OR51B5: variants seen among roughly 807,000 people sequenced by gnomAD.
OR51B5 encodes olfactory receptor family 51 subfamily B member 5, also known as olfactory receptor 51B5.
For synonymous variants in OR51B5, 186 were observed against 144.8 expected (o/e 1.28, Z -2.04); for missense variants, 456 against 374.6 (o/e 1.22, Z -1.79).
chr11:5,379,421 G>A lies in OR51B5; in HGVS notation n.85-32511C>T, dbSNP rs188667946. 2.6e-3 allele frequency among the ~76,000 whole-genome samples: 399 copies of A among 150,764 alleles called. 1 individual carries two copies. Among genetic ancestry groups the A allele is most frequent in the Non-Finnish European group, 4.0e-3 (271 of 67,708 alleles). ...CACATGTATACATATGTAACTAACC[G>A]GCACATTATGCACATGTACCCTAAA... On this transcript the variant is annotated intron_variant and non_coding_transcript_variant, in intron 1 of 4. Coordinates refer to the OR51B5 transcript ENST00000415970.
At chr11:5,477,537 G>A (rs1377870736) in intron 1 of OR51B5, among the ~76,000 whole-genome samples, 4 of 152,186 alleles carry the variant, frequency 2.6e-5, no homozygotes, top group Non-Finnish European at 5.9e-5. Flanking sequence ...AACAGCTCCG[G>A]TCTACAGCTC....
chr11:5,477,446 A>T (rs144183245), intron 1 of OR51B5, among the ~76,000 whole-genome samples: 1 of 152,240 alleles, frequency 6.6e-6, no homozygotes, highest in African/African-American at 2.4e-5. Context: ...CATTCATCTC[A>T]AAATCTATCC....
intron 1 of OR51B5, among the ~76,000 whole-genome samples, chr11:5,487,487 C>T (rs778996975): frequency 2.1e-4 from 32 of 152,090 alleles, no homozygotes; most frequent in Non-Finnish European, 4.3e-4. Flanking sequence ...CATTCATTGC[C>T]CTTTCTAAAT....
intron 1 of OR51B5, among the ~76,000 whole-genome samples, chr11:5,353,992 G>A (rs1849145232): frequency 7.9e-6 from 1 of 126,106 alleles, no homozygotes; most frequent in South Asian, 2.6e-4. Flanking sequence ...TTTCTCTTTT[G>A]TAGCTTCTTG....
exon 1 of OR51B5, chr11:5,342,889 G>A: frequency 6.2e-7 from 1 of 1,613,616 alleles, no homozygotes; most frequent in Non-Finnish European, 8.5e-7. Flanking sequence ...AGGAGATGAA[G>A]ATAATCAGAT....
At chr11:5,379,939 G>A (rs1314713235) in intron 1 of OR51B5, among the ~76,000 whole-genome samples, 6 of 151,528 alleles carry the variant, frequency 4.0e-5, no homozygotes, top group Non-Finnish European at 5.9e-5. Context: ...AGATGCAACC[G>A]CCCGATCTTG....
At chr11:5,505,242 G>C (rs535643618) in intron 1 of OR51B5, 1 of 1,124,738 alleles carries the variant, frequency 8.9e-7, no homozygotes, top group African/African-American at 1.6e-5. Flanking sequence ...CAGTAACATT[G>C]CTATTAGGTT....
At chr11:5,454,999 C>T (rs1564819050) in intron 1 of OR51B5, 1 of 152,482 alleles carries the variant, frequency 6.6e-6, no homozygotes, top group Admixed American at 6.5e-5. Context: ...CCACCACTGT[C>T]ATTCTCAAAC....
At chr11:5,408,024 T>G (rs1271060593) in intron 1 of OR51B5, among the ~76,000 whole-genome samples, 1 of 152,152 alleles carries the variant, frequency 6.6e-6, no homozygotes. Flanking sequence ...CCCAAAAACA[T>G]ATTTTCACAG....
At chr11:5,502,185 C>T (rs1488973882) in intron 1 of OR51B5, among the ~76,000 whole-genome samples, 2 of 151,592 alleles carry the variant, frequency 1.3e-5, no homozygotes, top group Admixed American at 6.6e-5. Flanking sequence ...TCTGCTTCTC[C>T]GCTTGTCACT....
intron 1 of OR51B5, among the ~76,000 whole-genome samples, chr11:5,451,684 A>G (rs1050882750): frequency 6.6e-6 from 1 of 152,130 alleles, no homozygotes; most frequent in Non-Finnish European, 1.5e-5. Flanking sequence ...GATACCTCAT[A>G]TGTTCCTGGG....
upstream of OR51B5, chr11:5,347,040 C>T (rs1225637662): frequency 1.3e-5 from 2 of 152,174 alleles, no homozygotes; most frequent in Non-Finnish European, 2.9e-5. Context: ...GGAGCTGGAA[C>T]ACTTAATTAG....
chr11:5,420,581 G>A (rs947995479), intron 1 of OR51B5, among the ~76,000 whole-genome samples: 4 of 151,750 alleles, frequency 2.6e-5, no homozygotes, highest in African/African-American at 4.8e-5. Context: ...TTTTGCTACA[G>A]AGAAAATTTC....
chr11:5,385,816 G>A (rs1849683243), intron 1 of OR51B5, among the ~76,000 whole-genome samples: 1 of 148,426 alleles, frequency 6.7e-6, no homozygotes. Context: ...AATCTATAAA[G>A]TATATAAAGA....
intron 1 of OR51B5, chr11:5,422,027 A>G: frequency 1.7e-6 from 1 of 577,430 alleles, no homozygotes; most frequent in East Asian, 2.9e-5. Context: ...GAATTGGGCT[A>G]AGGAAAGGAT....
chr11:5,347,959 T>C (rs1380166479), upstream of OR51B5, among the ~76,000 whole-genome samples: 2 of 152,000 alleles, frequency 1.3e-5, no homozygotes, highest in Non-Finnish European at 2.9e-5. Flanking sequence ...TACATGACTA[T>C]GGAACTGAAG....
chr11:5,465,410 A>T (rs1177896291), intron 1 of OR51B5, among the ~76,000 whole-genome samples: 1 of 152,012 alleles, frequency 6.6e-6, no homozygotes, highest in Non-Finnish European at 1.5e-5. Flanking sequence ...TTCTTTTGAG[A>T]AGTGTCAAGC....
chr11:5,419,255 C>G (rs1047940579), intron 1 of OR51B5, among the ~76,000 whole-genome samples: 21 of 152,096 alleles, frequency 1.4e-4, no homozygotes, highest in Non-Finnish European at 2.5e-4. Flanking sequence ...ATATCTATAT[C>G]CAGGAATGAA....
At chr11:5,382,617 A>G (rs750598711) in intron 1 of OR51B5, among the ~76,000 whole-genome samples, 4 of 152,194 alleles carry the variant, frequency 2.6e-5, no homozygotes, top group Non-Finnish European at 5.9e-5. Flanking sequence ...TTTTTCTGGT[A>G]GTGGTGCCCT....
Sources: gnomAD v4.1 joint callset for allele counts (sites outside exome capture counted in the v4.1 genomes callset) on GRCh38, gnomAD v4.1.1 for gene constraint, MANE v1.5 for transcripts, NCBI Gene and HGNC (gene_info 2026-07-23, HGNC 2026-07-21) for gene names.